GLCE: variants seen among roughly 807,000 people sequenced by gnomAD.
The protein encoded by GLCE is D-glucuronyl C5-epimerase.
GLCE carries 19 observed loss-of-function variants against 47.9 expected under a neutral mutation model. The observed-to-expected ratio is 0.40, with a 90% CI of 0.28 to 0.58. GLCE has a LOEUF of 0.58. GLCE is among the 20% of genes least tolerant of loss of function. The pLI is 0.48. For missense variants in GLCE, 556 were observed against 743.3 expected, an observed-to-expected ratio of 0.75 and a Z score of 2.93; for synonymous variants, 245 against 263.4, an observed-to-expected ratio of 0.93 and a Z score of 0.68.
intron 1 of GLCE, among the ~76,000 whole-genome samples, chr15:69,166,938 G>A (rs752029960): frequency 2.1e-5 from 3 of 146,148 alleles, no homozygotes; most frequent in Non-Finnish European, 4.5e-5. Flanking sequence ...AAAAAAGGCC[G>A]GGTGCGATGG....
intron 2 of GLCE, among the ~76,000 whole-genome samples, chr15:69,241,796 C>G (rs1249634088): frequency 6.6e-6 from 1 of 152,146 alleles, no homozygotes; most frequent in Non-Finnish European, 1.5e-5. Context: ...TGTGTTTGAA[C>G]AAACCTTCTA....
At chr15:69,210,787 G>A (rs1197264609) in intron 2 of GLCE, among the ~76,000 whole-genome samples, 1 of 152,070 alleles carries the variant, frequency 6.6e-6, no homozygotes, top group East Asian at 1.9e-4. Flanking sequence ...ACCTATTTTG[G>A]TAAATAAAGT....
At chr15:69,240,599 C>A (rs114049957) in intron 2 of GLCE, among the ~76,000 whole-genome samples, 1,521 of 151,842 alleles carry the variant, frequency 0.01, 23 homozygotes, top group African/African-American at 0.032. Context: ...TTAATAAGTA[C>A]GGCCTATAGG....
At chr15:69,161,819 G>A (rs1319932754) in intron 1 of GLCE, among the ~76,000 whole-genome samples, 1 of 152,178 alleles carries the variant, frequency 6.6e-6, no homozygotes, top group Non-Finnish European at 1.5e-5. Context: ...TTAGGTGGGC[G>A]TTTGGTCTGC....
At position 69,178,344 on chromosome 15, in the gene GLCE, A is replaced by C. The variant is rs553771894; in HGVS notation, c.-105+17587A>C. On this transcript the variant is annotated intron_variant, in intron 1 of 4. Coordinates refer to ENST00000261858, the MANE Select transcript of GLCE (RefSeq NM_015554.3). ...TTTGGAAAGCTGAACAAAAAACTTA[A>C]TATGTTGTTTAAAATTTAAACCTCT... is the stretch of plus-strand genomic sequence containing the variant. 2.0e-4 allele frequency among the ~76,000 whole-genome samples: 31 copies of C among 152,248 alleles called. No individual in the cohort carries two copies. In the South Asian group the frequency reaches 6.4e-3, roughly 32 times the overall value.
At chr15:69,254,737 A>G (rs1268932358) in intron 2 of GLCE, among the ~76,000 whole-genome samples, 2 of 152,204 alleles carry the variant, frequency 1.3e-5, no homozygotes, top group South Asian at 2.1e-4. Flanking sequence ...ATGTTATTTC[A>G]GAAATCTATT....
intron 1 of GLCE, among the ~76,000 whole-genome samples, chr15:69,198,967 G>A (rs1322038646): frequency 6.6e-6 from 1 of 152,086 alleles, no homozygotes; most frequent in Non-Finnish European, 1.5e-5. Context: ...TTAGAAGTCC[G>A]CCACCCGGTC....
intron 1 of GLCE, among the ~76,000 whole-genome samples, chr15:69,165,697 G>A (rs528291949): frequency 6.6e-6 from 1 of 151,604 alleles, no homozygotes; most frequent in African/African-American, 2.4e-5. Flanking sequence ...TTTCCTCCTG[G>A]ACTCAAAGGC....
intron 2 of GLCE, among the ~76,000 whole-genome samples, chr15:69,235,093 CTTTTTTTTTTTTTTTTT>C (rs869212730): frequency 3.2e-5 from 2 of 62,882 alleles, no homozygotes; most frequent in East Asian, 5.9e-4. Flanking sequence ...GAAGATTATT[CTTTTTTTTTTTTTTTTT>C]TTTTTTTTTT....
At chr15:69,181,526 G>A (rs2051748704) in intron 1 of GLCE, among the ~76,000 whole-genome samples, 1 of 152,156 alleles carries the variant, frequency 6.6e-6, no homozygotes, top group African/African-American at 2.4e-5. Flanking sequence ...AGAGGAGGGA[G>A]TAATGAACCC....
intron 2 of GLCE, among the ~76,000 whole-genome samples, chr15:69,255,183 C>T (rs2052903741): frequency 6.6e-6 from 1 of 152,150 alleles, no homozygotes; most frequent in Non-Finnish European, 1.5e-5. Flanking sequence ...TTTTTTCAGA[C>T]AGCTACTAAG....
At chr15:69,194,901 T>C (rs768540292) in intron 1 of GLCE, among the ~76,000 whole-genome samples, 1 of 152,198 alleles carries the variant, frequency 6.6e-6, no homozygotes, top group Non-Finnish European at 1.5e-5. Context: ...AAGATTCTTA[T>C]ATAGTCTTTA....
At chr15:69,162,843 C>T (rs1204675462) in intron 1 of GLCE, among the ~76,000 whole-genome samples, 1 of 152,156 alleles carries the variant, frequency 6.6e-6, no homozygotes, top group Non-Finnish European at 1.5e-5. Context: ...CCTCAGCTTC[C>T]CAAAGTACTG....
At chr15:69,198,083 C>T (rs2052021723) in intron 1 of GLCE, among the ~76,000 whole-genome samples, 1 of 152,098 alleles carries the variant, frequency 6.6e-6, no homozygotes, top group Non-Finnish European at 1.5e-5. Context: ...TTTCTTATGT[C>T]TGTACCTTAC....
chr15:69,210,623 A>C (rs1413005590), intron 2 of GLCE, among the ~76,000 whole-genome samples: 2 of 152,098 alleles, frequency 1.3e-5, no homozygotes, highest in African/African-American at 4.8e-5. Flanking sequence ...AAATATTTTC[A>C]TGGTTTCTTT....
rs562402899 is a variant in GLCE at position 69,169,855 on chromosome 15, C to T, written c.-105+9098C>T. Among the ~76,000 whole-genome samples, 31 of 152,120 alleles carry T rather than the reference C, an allele frequency of 2.0e-4. 1 individual carries two copies. The South Asian group carries it at 5.4e-3, about 26-fold the overall frequency. On this transcript the variant is annotated intron_variant, in intron 1 of 4. Transcript: ENST00000261858. ...TGTGAATAGTGCCGCAATAAACATA[C>T]GAACACACATAATTCTTAAGCTCAC... is the stretch of plus-strand genomic sequence containing the variant.
chr15:69,215,273 A>T lies in GLCE; in HGVS notation c.-14+4867A>T, dbSNP rs192391811. 1.7e-3 allele frequency among the ~76,000 whole-genome samples: 257 copies of T among 152,184 alleles called. 3 individuals carry two copies. Among genetic ancestry groups the T allele is most frequent in the African/African-American group, 5.9e-3 (247 of 41,526 alleles). The stretch of plus-strand genomic sequence containing the variant: ...CCTGGCAACCCCTAATGTGTGTTCT[A>T]TCCCTTTAGTTATTAGCCTTTTCCA... On this transcript the variant is annotated intron_variant, in intron 2 of 4. Coordinates refer to ENST00000261858, the MANE Select transcript of GLCE (RefSeq NM_015554.3).
intron 2 of GLCE, among the ~76,000 whole-genome samples, chr15:69,221,692 G>A (rs993764761): frequency 2.0e-5 from 3 of 151,594 alleles, no homozygotes; most frequent in Admixed American, 6.6e-5. Flanking sequence ...ACGAAACCCC[G>A]TCTCTACTAA....
intron 2 of GLCE, among the ~76,000 whole-genome samples, chr15:69,246,329 C>T (rs1411600772): frequency 6.6e-6 from 1 of 152,132 alleles, no homozygotes; most frequent in Non-Finnish European, 1.5e-5. Flanking sequence ...TGGATCCTTT[C>T]CAGCAGGTTT....
Sources: allele counts gnomAD v4.1 joint callset (sites outside exome capture counted in the v4.1 genomes callset), GRCh38; gene constraint gnomAD v4.1.1; transcripts MANE v1.5; gene names NCBI Gene and HGNC (gene_info 2026-07-23, HGNC 2026-07-21).